Variants in LINGO2 observed in about 807,000 individuals in gnomAD.
LINGO2 encodes the protein leucine-rich repeat and immunoglobulin-like domain-containing nogo receptor-interacting protein 2.
LINGO2 carries 14 observed loss-of-function variants against 30.6 expected under a neutral mutation model. The observed-to-expected ratio is 0.46, with a 90% CI of 0.30 to 0.72. The LOEUF (loss-of-function observed/expected upper bound fraction) is 0.72, where lower values mean the gene tolerates loss of function less well. LINGO2 is among the 30% of genes least tolerant of loss of function. The probability of loss-of-function intolerance (pLI) is 0.07; values close to 1 mark genes in which losing one functional copy is unlikely to be tolerated. For synonymous variants in LINGO2, 317 were observed against 288.5 expected, an observed-to-expected ratio of 1.10 and a Z score of -1.00; for missense variants, 729 against 751.7, an observed-to-expected ratio of 0.97 and a Z score of 0.35.
At chr9:28,439,111 T>A (rs1189153825) in intron 2 of LINGO2, among the ~76,000 whole-genome samples, 12 of 148,038 alleles carry the variant, frequency 8.1e-5, no homozygotes, top group Non-Finnish European at 7.4e-5. Flanking sequence ...TAATGAAATA[T>A]AGATAATATC....
At chr9:28,376,839 T>C (rs1488193253) in intron 2 of LINGO2, among the ~76,000 whole-genome samples, 1 of 152,134 alleles carries the variant, frequency 6.6e-6, no homozygotes, top group African/African-American at 2.4e-5. Flanking sequence ...TCCATATCCT[T>C]TCCATTATAT....
At chr9:28,177,804 C>T (rs961446227) in intron 4 of LINGO2, among the ~76,000 whole-genome samples, 1 of 152,058 alleles carries the variant, frequency 6.6e-6, no homozygotes, top group Non-Finnish European at 1.5e-5. Flanking sequence ...CAGTAGCATC[C>T]CCATTTTATA....
chr9:28,385,837 C>T (rs1004023829), intron 2 of LINGO2, among the ~76,000 whole-genome samples: 6 of 152,030 alleles, frequency 3.9e-5, no homozygotes, highest in Non-Finnish European at 8.8e-5. Context: ...GGAGGGATGG[C>T]ATTTTGGATT....
At chr9:28,787,027 T>C in the LINGO2 span, among the ~76,000 whole-genome samples, 1 of 152,152 alleles carries the variant, frequency 6.6e-6, no homozygotes, top group East Asian at 1.9e-4. Flanking sequence ...GAAAAGCTAG[T>C]TCTAGGGGTA....
chr9:28,312,784 A>G (rs916519834), intron 3 of LINGO2, among the ~76,000 whole-genome samples: 1 of 152,208 alleles, frequency 6.6e-6, no homozygotes, highest in African/African-American at 2.4e-5. Flanking sequence ...GTTTCCATTT[A>G]AAATAATCAT....
the LINGO2 span, among the ~76,000 whole-genome samples, chr9:28,860,623 CTA>C: frequency 6.6e-6 from 1 of 150,886 alleles, no homozygotes; most frequent in South Asian, 2.1e-4. Flanking sequence ...ATTTCTCTCT[CTA>C]TATATAAAGA....
intron 4 of LINGO2, among the ~76,000 whole-genome samples, chr9:28,097,218 C>G (rs1040498868): frequency 6.6e-6 from 1 of 152,108 alleles, no homozygotes; most frequent in African/African-American, 2.4e-5. Flanking sequence ...GAAATAGGAA[C>G]ACTTTTACAC....
intron 3 of LINGO2, among the ~76,000 whole-genome samples, chr9:28,321,638 G>A (rs1825045642): frequency 6.6e-6 from 1 of 152,176 alleles, no homozygotes; most frequent in South Asian, 2.1e-4. Context: ...GCAGAGAAGT[G>A]CTATAATAGG....
chr9:29,135,777 T>C, the LINGO2 span, among the ~76,000 whole-genome samples: 78 of 152,192 alleles, frequency 5.1e-4, 1 homozygote, highest in Middle Eastern at 0.014. Flanking sequence ...CAACTCCCCA[T>C]TTTTCCCTCC....
chr9:29,165,513 C>G, the LINGO2 span, among the ~76,000 whole-genome samples: 8 of 152,030 alleles, frequency 5.3e-5, no homozygotes, highest in Non-Finnish European at 8.8e-5. Flanking sequence ...CTGAACATCA[C>G]CAGAATTTTA....
the LINGO2 span, among the ~76,000 whole-genome samples, chr9:28,693,974 C>G: frequency 6.6e-6 from 1 of 151,694 alleles, no homozygotes; most frequent in Non-Finnish European, 1.5e-5. Context: ...ATACACTGAC[C>G]CCATCAAAAT....
At chr9:28,384,514 A>C (rs1821495905) in intron 2 of LINGO2, among the ~76,000 whole-genome samples, 1 of 151,748 alleles carries the variant, frequency 6.6e-6, no homozygotes. Flanking sequence ...ACCTTTCAGT[A>C]ATAATTGTCT....
chr9:28,299,251 G>A (rs1824044710), intron 3 of LINGO2, among the ~76,000 whole-genome samples: 1 of 152,130 alleles, frequency 6.6e-6, no homozygotes, highest in South Asian at 2.1e-4. Flanking sequence ...TATTCTGGAA[G>A]CTTTGTGTCT....
the LINGO2 span, among the ~76,000 whole-genome samples, chr9:28,682,185 A>C: frequency 1.3e-5 from 2 of 152,134 alleles, no homozygotes; most frequent in African/African-American, 4.8e-5. Flanking sequence ...CTGTAAACTT[A>C]TATCAGTCTC....
rs187280060 is a variant in LINGO2, at chr9:28,341,492, T to C, written c.-246+31344A>G. Among the ~76,000 whole-genome samples the C allele has an allele frequency of 7.9e-5, 12 of 152,192 alleles. No homozygotes were observed. In the East Asian group the frequency reaches 2.3e-3, roughly 29 times the overall value. ...ACATTAGCCAAGAAAAGATGCACTTTACAGTGATGAGGACTCAACTCTCCA... is the reference window on the plus strand; with the variant it reads ...ACATTAGCCAAGAAAAGATGCACTTCACAGTGATGAGGACTCAACTCTCCA... On this transcript the variant is annotated intron_variant, in intron 3 of 5. Coordinates refer to ENST00000379992, the Ensembl canonical transcript of LINGO2.
At chr9:28,717,576 G>A in the LINGO2 span, among the ~76,000 whole-genome samples, 33 of 151,982 alleles carry the variant, frequency 2.2e-4, no homozygotes, top group Non-Finnish European at 4.4e-4. Context: ...AAGAGCAAAT[G>A]TACACAGAGT....
At chr9:28,219,604 C>A (rs1205704727) in intron 4 of LINGO2, among the ~76,000 whole-genome samples, 1 of 152,130 alleles carries the variant, frequency 6.6e-6, no homozygotes, top group African/African-American at 2.4e-5. Flanking sequence ...TCTGTTTTGG[C>A]AAATCAGTTT....
chr9:28,535,724 A>ATG (rs2135442980), intron 1 of LINGO2, among the ~76,000 whole-genome samples: 1 of 139,768 alleles, frequency 7.2e-6, no homozygotes, highest in African/African-American at 2.7e-5. Flanking sequence ...ACACGTGTGG[A>ATG]CGCACACACA....
intron 4 of LINGO2, among the ~76,000 whole-genome samples, chr9:28,177,547 C>A (rs73445919): frequency 1.1e-3 from 163 of 152,266 alleles, no homozygotes; most frequent in African/African-American, 3.8e-3. Context: ...AAAGAAGTAC[C>A]TACCTCATAG....
Sources: allele counts gnomAD v4.1 joint callset (sites outside exome capture counted in the v4.1 genomes callset), GRCh38; gene constraint gnomAD v4.1.1; transcripts MANE v1.5; gene names NCBI Gene and HGNC (gene_info 2026-07-23, HGNC 2026-07-21).